STIM1: variants seen among roughly 807,000 people sequenced by gnomAD.
STIM1 encodes the protein stromal interaction molecule 1.
In STIM1, 25 loss-of-function variants were observed where a neutral mutation model predicts 74.7. That is an observed-to-expected ratio of 0.33 (90% CI 0.24 to 0.47). STIM1 has a LOEUF of 0.47. Among genes scored for constraint, STIM1 ranks in the 20% least tolerant of loss-of-function variants. The probability of loss-of-function intolerance (pLI) is 1.00; values close to 1 mark genes in which losing one functional copy is unlikely to be tolerated. For synonymous variants in STIM1, 328 were observed against 348.8 expected, an observed-to-expected ratio of 0.94 and a Z score of 0.66; for missense variants, 728 against 920.8, an observed-to-expected ratio of 0.79 and a Z score of 2.71.
chr11:3,955,441 G>A (rs2093200282), intron 1 of STIM1, among the ~76,000 whole-genome samples: 1 of 152,098 alleles, frequency 6.6e-6, no homozygotes, highest in Non-Finnish European at 1.5e-5. Context: ...CGTCTATGAT[G>A]ATACAAGTCA....
rs1246370869 is a variant in STIM1, at chr11:4,092,183, A to G, written c.*385A>G. Reference sequence around the variant, plus strand: ...TGCTTTCGGGCTCCTCCCTCCCACCACTCCCCAACTTCCCCTAGCAGTTGC... The same window carrying G: ...TGCTTTCGGGCTCCTCCCTCCCACCGCTCCCCAACTTCCCCTAGCAGTTGC... On this transcript the variant is annotated 3_prime_UTR_variant, in exon 13 of 13. Coordinates refer to ENST00000526596, the MANE Select transcript of STIM1 (RefSeq NM_001382567.1). 9.7e-6 allele frequency: 3 copies of G among 308,600 alleles called. No individual in the cohort carries two copies. In the Admixed American group the frequency reaches 1.3e-4, roughly 13 times the overall value. The allele number at this position is 308,600 out of a possible 1,614,324, so 19.1% of individuals were successfully genotyped here.
At chr11:4,059,432 A>C (rs772409394) in intron 5 of STIM1, 36 bp downstream of exon 5, 1 of 1,585,460 alleles carries the variant, frequency 6.3e-7, no homozygotes, top group East Asian at 2.2e-5. Flanking sequence ...CTGCTGTGCC[A>C]TGGAAACCAA....
intron 1 of STIM1, among the ~76,000 whole-genome samples, chr11:3,860,444 C>T (rs758291022): frequency 6.6e-6 from 1 of 152,228 alleles, no homozygotes; most frequent in Non-Finnish European, 1.5e-5. Flanking sequence ...ATTCTTCTCT[C>T]TACCTCTACT....
At position 4,083,293 on chromosome 11, in the gene STIM1, G is replaced by C; in HGVS notation, c.1269G>C (p.Leu423Phe). Residue 423 changes from leucine to phenylalanine, a missense_variant, in exon 10 of 13, where the codon TTG becomes TTC. By Grantham distance (22) the Leu-to-Phe change is conservative. Transcript: ENST00000526596. The part of the protein sequence containing the change: ...KQALSEVTAA[L>F]RERLHRWQQI... ...CACTGAGCGAGGTGACAGCAGCATT[G>C]CGGGAGCGCCTGCACCGCTGGCAAC... The C allele has an allele frequency of 4.3e-6, 7 of 1,614,200 alleles. No individual in the cohort carries two copies. Among genetic ancestry groups the C allele is most frequent in the Non-Finnish European group, 5.9e-6 (7 of 1,180,034 alleles).
intron 1 of STIM1, among the ~76,000 whole-genome samples, chr11:3,886,294 C>G (rs1329277800): frequency 2.0e-5 from 3 of 152,118 alleles, no homozygotes. Flanking sequence ...CCTTTTCACA[C>G]ATGAGCAATT....
At chr11:3,895,683 C>CTTCCTTCCTTCTTTCTTTCT (rs2092083651) in intron 1 of STIM1, among the ~76,000 whole-genome samples, 4 of 38,000 alleles carry the variant, frequency 1.1e-4, no homozygotes, top group South Asian at 9.8e-4. Context: ...TCCTTCCTTC[C>CTTCCTTCCTTCTTTCTTTCT]TTCTTTCTTT....
chr11:4,047,328 G>T (rs976385698), intron 3 of STIM1, among the ~76,000 whole-genome samples: 3 of 151,986 alleles, frequency 2.0e-5, no homozygotes, highest in Non-Finnish European at 4.4e-5. Context: ...ACAAGTAAAA[G>T]AATTTGACCA....
At chr11:4,039,643 T>A (rs1226465087) in intron 3 of STIM1, among the ~76,000 whole-genome samples, 1 of 151,932 alleles carries the variant, frequency 6.6e-6, no homozygotes, top group Non-Finnish European at 1.5e-5. Context: ...TTTTTCATGT[T>A]TATCTGTGAG....
chr11:4,040,945 T>C (rs532477094), intron 3 of STIM1, among the ~76,000 whole-genome samples: 2 of 152,338 alleles, frequency 1.3e-5, no homozygotes, highest in East Asian at 1.9e-4. Flanking sequence ...GGTTTGATAA[T>C]GACATCAGAT....
intron 2 of STIM1, among the ~76,000 whole-genome samples, chr11:4,008,109 G>A (rs1183319015): frequency 6.6e-6 from 1 of 152,048 alleles, no homozygotes; most frequent in African/African-American, 2.4e-5. Flanking sequence ...TATGCAATGT[G>A]GTTCCATAAG....
At chr11:3,905,302 T>C (rs1246774028) in intron 1 of STIM1, among the ~76,000 whole-genome samples, 1 of 151,098 alleles carries the variant, frequency 6.6e-6, no homozygotes, top group Non-Finnish European at 1.5e-5. Context: ...TTGAGAAATA[T>C]AGTTGCGAGG....
At chr11:4,073,872 G>A (rs2094421238) in intron 6 of STIM1, among the ~76,000 whole-genome samples, 1 of 151,640 alleles carries the variant, frequency 6.6e-6, no homozygotes, top group African/African-American at 2.4e-5. Flanking sequence ...TTGTGCTTCT[G>A]GGAACAGAAG....
chr11:3,958,857 A>G (rs2093250956), intron 1 of STIM1, among the ~76,000 whole-genome samples: 1 of 151,760 alleles, frequency 6.6e-6, no homozygotes, highest in African/African-American at 2.4e-5. Flanking sequence ...AGGCAGGAGA[A>G]TCGCTTGAAC....
chr11:3,923,054 G>GGC (rs1351760410), intron 1 of STIM1, among the ~76,000 whole-genome samples: 1 of 150,762 alleles, frequency 6.6e-6, no homozygotes, highest in Non-Finnish European at 1.5e-5. Context: ...AGCAGAGATC[G>GGC]GCGCCACTGC....
chr11:3,881,156 G>T (rs1308098630), intron 1 of STIM1, among the ~76,000 whole-genome samples: 1 of 150,184 alleles, frequency 6.7e-6, no homozygotes, highest in African/African-American at 2.5e-5. Flanking sequence ...GTACAATTCA[G>T]TGGGATTTAG....
intron 1 of STIM1, among the ~76,000 whole-genome samples, chr11:3,862,485 A>G (rs974651648): frequency 1.3e-5 from 2 of 151,916 alleles, no homozygotes; most frequent in Non-Finnish European, 2.9e-5. Context: ...TTTATCCACC[A>G]CCTCACCTTC....
At chr11:3,961,026 A>G (rs2093279524) in intron 1 of STIM1, among the ~76,000 whole-genome samples, 1 of 151,218 alleles carries the variant, frequency 6.6e-6, no homozygotes, top group Non-Finnish European at 1.5e-5. Flanking sequence ...TTTTTTGGAG[A>G]CAGGGTCTCA....
chr11:3,932,025 C>T (rs2092868511), intron 1 of STIM1, among the ~76,000 whole-genome samples: 1 of 152,072 alleles, frequency 6.6e-6, no homozygotes, highest in South Asian at 2.1e-4. Flanking sequence ...ATTTTCCTGC[C>T]CGGCCTGTTG....
intron 1 of STIM1, among the ~76,000 whole-genome samples, chr11:3,941,613 G>GTGTGTA (rs1368512180): frequency 2.3e-5 from 3 of 129,512 alleles, no homozygotes; most frequent in African/African-American, 9.2e-5. Flanking sequence ...GTGTGTGTGT[G>GTGTGTA]TATACATATA....
Sources: gnomAD v4.1 joint callset for allele counts (sites outside exome capture counted in the v4.1 genomes callset) on GRCh38, gnomAD v4.1.1 for gene constraint, MANE v1.5 for transcripts, NCBI Gene and HGNC (gene_info 2026-07-23, HGNC 2026-07-21) for gene names.